The following EIF4G3 variants were observed in gnomAD, a reference collection of about 807,000 sequenced individuals.
The protein encoded by EIF4G3 is eukaryotic translation initiation factor 4 gamma 3, also known as eIF-4-gamma 3.
A neutral mutation model predicts 186.4 loss-of-function variants in EIF4G3; 34 were observed. That is an observed-to-expected ratio of 0.18 (90% CI 0.14 to 0.24). The LOEUF is 0.24. Among genes scored for constraint, EIF4G3 ranks in the 10% least tolerant of loss-of-function variants. The probability of loss-of-function intolerance (pLI) is 1.00; values close to 1 mark genes in which losing one functional copy is unlikely to be tolerated. For synonymous variants in EIF4G3, 673 were observed against 679.5 expected, an observed-to-expected ratio of 0.99 and a Z score of 0.15; for missense variants, 1,536 against 1,948.5, an observed-to-expected ratio of 0.79 and a Z score of 3.99.
intron 3 of EIF4G3, among the ~76,000 whole-genome samples, chr1:21,054,788 C>G (rs769273525): frequency 1.4e-3 from 209 of 152,280 alleles, no homozygotes; most frequent in Non-Finnish European, 2.5e-3. Flanking sequence ...CAGATATAAA[C>G]ATCTTCAGGA....
chr1:20,849,319 T>A, intron 29 of EIF4G3, 96 bp downstream of exon 29: 1 of 583,656 alleles, frequency 1.7e-6, no homozygotes, highest in Non-Finnish European at 2.9e-6. Flanking sequence ...CTAAGTCTTA[T>A]CAGTTCACAA....
At chr1:20,937,828 G>T (rs2095566501) in intron 14 of EIF4G3, among the ~76,000 whole-genome samples, 1 of 152,030 alleles carries the variant, frequency 6.6e-6, no homozygotes, top group Non-Finnish European at 1.5e-5. Context: ...AAATTCCCAA[G>T]ACTTTAATAT....
intron 4 of EIF4G3, chr1:21,003,509 T>C: frequency 5.0e-6 from 1 of 201,334 alleles, no homozygotes; most frequent in Non-Finnish European, 1.0e-5. Flanking sequence ...TTTTGTGCAT[T>C]AAGGCATTTT....
intron 22 of EIF4G3, among the ~76,000 whole-genome samples, chr1:20,863,187 G>T (rs2076732742): frequency 6.6e-6 from 1 of 151,882 alleles, no homozygotes; most frequent in Admixed American, 6.6e-5. Flanking sequence ...ATTAATGATA[G>T]GCAATAATAT....
At chr1:21,031,326 CA>C (rs1230783794) in intron 4 of EIF4G3, among the ~76,000 whole-genome samples, 1 of 146,836 alleles carries the variant, frequency 6.8e-6, no homozygotes, top group Non-Finnish European at 1.5e-5. Flanking sequence ...AATTATGAGC[CA>C]GACACTAAAA....
chr1:21,084,025 AC>A (rs1208792344), intron 3 of EIF4G3, among the ~76,000 whole-genome samples: 1 of 152,052 alleles, frequency 6.6e-6, no homozygotes, highest in Non-Finnish European at 1.5e-5. Flanking sequence ...CATTTCAATC[AC>A]CACCACATGT....
At chr1:21,102,915 A>G (rs1427055281) in intron 2 of EIF4G3, among the ~76,000 whole-genome samples, 1 of 152,244 alleles carries the variant, frequency 6.6e-6, no homozygotes, top group African/African-American at 2.4e-5. Context: ...GATCACAAAT[A>G]TATTCCATTT....
chr1:21,037,547 AC>A (rs2093306898), intron 4 of EIF4G3, among the ~76,000 whole-genome samples: 1 of 152,200 alleles, frequency 6.6e-6, no homozygotes, highest in Non-Finnish European at 1.5e-5. Context: ...TGGTTCTATC[AC>A]CAAAATAAAT....
chr1:21,142,195 T>C (rs145419262), intron 2 of EIF4G3, among the ~76,000 whole-genome samples: 1 of 151,174 alleles, frequency 6.6e-6, no homozygotes, highest in East Asian at 2.0e-4. Context: ...AAAACATGTA[T>C]TAGGAATCTA....
chr1:20,986,815 A>G (rs1014461169), intron 7 of EIF4G3, among the ~76,000 whole-genome samples: 3 of 151,686 alleles, frequency 2.0e-5, no homozygotes, highest in Non-Finnish European at 4.4e-5. Flanking sequence ...ACTGATAAAA[A>G]TGCTGCAAAG....
intron 2 of EIF4G3, among the ~76,000 whole-genome samples, chr1:21,146,858 A>C (rs975020770): frequency 6.6e-6 from 1 of 152,218 alleles, no homozygotes; most frequent in African/African-American, 2.4e-5. Flanking sequence ...TTTTCATTTC[A>C]CACAAGAAAG....
intron 12 of EIF4G3, among the ~76,000 whole-genome samples, chr1:20,968,533 C>T (rs1259747920): frequency 6.6e-6 from 1 of 152,038 alleles, no homozygotes; most frequent in Non-Finnish European, 1.5e-5. Context: ...TTATAGTTTA[C>T]TAAACTCCAG....
At chr1:21,146,956 T>C (rs1040805399) in intron 2 of EIF4G3, among the ~76,000 whole-genome samples, 50 of 151,994 alleles carry the variant, frequency 3.3e-4, no homozygotes, top group African/African-American at 1.1e-3. Context: ...CCTAAAGATA[T>C]AGTTGTTTCA....
chr1:21,153,145 G>A (rs1042946782), intron 2 of EIF4G3, among the ~76,000 whole-genome samples: 2 of 152,178 alleles, frequency 1.3e-5, no homozygotes, highest in Non-Finnish European at 2.9e-5. Context: ...CTCCTGAAGT[G>A]TATAGCAGAC....
chr1:20,909,131 G>T (rs1461360221), intron 14 of EIF4G3, among the ~76,000 whole-genome samples: 2 of 150,972 alleles, frequency 1.3e-5, no homozygotes, highest in African/African-American at 4.9e-5. Context: ...CAGCCTGGGC[G>T]ATCGAGCAAG....
At chr1:20,929,448 G>T (rs962276045) in intron 14 of EIF4G3, 2 of 152,232 alleles carry the variant, frequency 1.3e-5, no homozygotes, top group African/African-American at 4.8e-5. Context: ...TCATGTCCCA[G>T]ATTTTATTAA....
At chr1:20,987,772 A>C (rs2079921459) in intron 7 of EIF4G3, among the ~76,000 whole-genome samples, 1 of 152,196 alleles carries the variant, frequency 6.6e-6, no homozygotes, top group Non-Finnish European at 1.5e-5. Flanking sequence ...CATTATATGG[A>C]AATTAATAAC....
chr1:20,829,522 A>T (rs1319921933), intron 30 of EIF4G3, among the ~76,000 whole-genome samples: 1 of 152,218 alleles, frequency 6.6e-6, no homozygotes, highest in African/African-American at 2.4e-5. Context: ...TGAACTATGT[A>T]CAAGAAGGAG....
intron 2 of EIF4G3, among the ~76,000 whole-genome samples, chr1:21,093,401 A>C (rs960318641): frequency 6.6e-6 from 1 of 152,216 alleles, no homozygotes; most frequent in Non-Finnish European, 1.5e-5. Context: ...CCACAATGAG[A>C]TATTATCTCA....
Sources: gnomAD v4.1 joint callset for allele counts (sites outside exome capture counted in the v4.1 genomes callset) on GRCh38, gnomAD v4.1.1 for gene constraint, MANE v1.5 for transcripts, NCBI Gene and HGNC (gene_info 2026-07-23, HGNC 2026-07-21) for gene names.